Variants in ANK3 observed in about 807,000 individuals in gnomAD.
ANK3 encodes the protein ankyrin 3, also known as ankyrin-3.
A neutral mutation model predicts 370.9 loss-of-function variants in ANK3; 57 were observed. The observed-to-expected ratio is 0.15, with a 90% CI of 0.12 to 0.19. ANK3 has a LOEUF of 0.19. Among genes scored for constraint, ANK3 ranks in the 10% least tolerant of loss-of-function variants. The probability of loss-of-function intolerance (pLI) is 1.00; values close to 1 mark genes in which losing one functional copy is unlikely to be tolerated. For synonymous variants in ANK3, 1,929 were observed against 1,946.3 expected (o/e 0.99, Z 0.23); for missense variants, 4,439 against 5,302.1 (o/e 0.84, Z 5.06).
rs149428605 is a variant in ANK3 at position 60,204,777 on chromosome 10, G to A, written c.1293+1015C>T. On this transcript the variant is annotated intron_variant, in intron 11 of 43. Transcript: ENST00000280772. ...TCTTGGGGGTGCCACTGAGTCATAAGTCAGAGAGCTGGATAAGGGCTTTGA... is the reference window on the plus strand; with the variant it reads ...TCTTGGGGGTGCCACTGAGTCATAAATCAGAGAGCTGGATAAGGGCTTTGA... Among the ~76,000 whole-genome samples, 393 of 152,222 alleles carry A rather than the reference G, an allele frequency of 2.6e-3. 1 individual carries two copies. Among genetic ancestry groups the A allele is most frequent in the Non-Finnish European group, 4.9e-3 (330 of 68,012 alleles).
chr10:60,198,479 T>C lies in ANK3; in HGVS notation c.1550A>G (p.Gln517Arg). The C allele has an allele frequency of 6.2e-7, 1 of 1,614,228 alleles. No homozygotes were observed. Among genetic ancestry groups the C allele is most frequent in the Non-Finnish European group, 8.5e-7 (1 of 1,180,036 alleles). Residue 517 changes from glutamine (Q) to arginine (R), a missense_variant, in exon 14 of 44, where the codon CAG becomes CGG. Physicochemically the swap from Gln to Arg is conservative, Grantham distance 43 (BLOSUM62 1). Transcript: ENST00000280772. ...TGGAGATGCCCCTTGCTGCAACAGC[T>C]GTTGTACTATGTCTGCTTTCCCCAG... ...ARLGKADIVQQLLQQGASPNA... is the reference protein window; with the variant it reads ...ARLGKADIVQRLLQQGASPNA...
intron 2 of ANK3, among the ~76,000 whole-genome samples, chr10:60,424,367 C>A (rs539070843): frequency 6.6e-6 from 1 of 151,932 alleles, no homozygotes; most frequent in East Asian, 1.9e-4. Flanking sequence ...AAATACCAAT[C>A]AAGTCTTTCA....
At chr10:60,504,252 T>C (rs1482087592) in intron 2 of ANK3, among the ~76,000 whole-genome samples, 1 of 152,184 alleles carries the variant, frequency 6.6e-6, no homozygotes, top group Non-Finnish European at 1.5e-5. Flanking sequence ...CACTAGAGCA[T>C]GGAGATACTT....
At chr10:60,196,813 A>G (rs1335816728) in intron 14 of ANK3, among the ~76,000 whole-genome samples, 188 bp from the exon 15 acceptor site, 1 of 152,190 alleles carries the variant, frequency 6.6e-6, no homozygotes, top group East Asian at 1.9e-4. Flanking sequence ...CTCACAGATA[A>G]GAGTTCAAGA....
intron 1 of ANK3, among the ~76,000 whole-genome samples, chr10:60,694,380 G>T (rs1028334639): frequency 7.9e-5 from 12 of 152,132 alleles, no homozygotes; most frequent in Non-Finnish European, 1.5e-4. Context: ...ACATTCAGAT[G>T]CAGGAAATAC....
intron 18 of ANK3, among the ~76,000 whole-genome samples, chr10:60,179,953 A>G (rs1348828395): frequency 6.6e-6 from 1 of 152,154 alleles, no homozygotes; most frequent in African/African-American, 2.4e-5. Context: ...CTAGAGTTTT[A>G]TATCTATAAA....
At chr10:60,435,182 G>T (rs1023457965) in intron 2 of ANK3, among the ~76,000 whole-genome samples, 1 of 152,074 alleles carries the variant, frequency 6.6e-6, no homozygotes, top group African/African-American at 2.4e-5. Flanking sequence ...AACAGTATAG[G>T]ATTACGGGTT....
chr10:60,733,274 C>A, exon 1 of ANK3: 1 of 1,238,486 alleles, frequency 8.1e-7, no homozygotes, highest in Non-Finnish European at 1.0e-6. Flanking sequence ...TGGGCAGGAG[C>A]GGAGTCCTCG....
chr10:60,733,216 C>A (rs2080051647), intron 1 of ANK3: 5 of 1,236,404 alleles, frequency 4.0e-6, no homozygotes, highest in Non-Finnish European at 5.0e-6. Flanking sequence ...TCCCCGCATG[C>A]CCCTGGGTGA....
At chr10:60,722,885 A>C (rs1834029691) in intron 1 of ANK3, among the ~76,000 whole-genome samples, 1 of 152,214 alleles carries the variant, frequency 6.6e-6, no homozygotes, top group African/African-American at 2.4e-5. Context: ...CTGATGCCTT[A>C]GCAGGAGCAG....
chr10:60,422,501 C>A (rs1296913893), intron 2 of ANK3, among the ~76,000 whole-genome samples: 2 of 152,130 alleles, frequency 1.3e-5, no homozygotes, highest in East Asian at 1.9e-4. Flanking sequence ...TCTAGGGACA[C>A]GGGGTGACAC....
rs762868986 is a variant in ANK3 at position 60,134,369 on chromosome 10, G to A, written c.2743C>T (p.Arg915Cys). ...TAAGACCTATCCGAACTGAAGGAGCGGAGGCTGTTGTATTTACAGTTAACC... is the reference window on the plus strand; with the variant it reads ...TAAGACCTATCCGAACTGAAGGAGCAGAGGCTGTTGTATTTACAGTTAACC... ...FSLGARSASL[R>C]SFSSDRSYTL... is the part of the protein sequence containing the mutation. Residue 915 changes from arginine to cysteine, a missense_variant, in exon 25 of 44, where the codon CGC becomes TGC. Physicochemically the swap from Arg to Cys is radical, Grantham distance 180. Transcript: ENST00000280772. 1.4e-5 allele frequency: 23 copies of A among 1,612,284 alleles called. No individual in the cohort carries two copies. The highest frequency in any genetic ancestry group is 4.5e-5 in the East Asian group (2 of 44,786).
intron 2 of ANK3, among the ~76,000 whole-genome samples, chr10:60,582,775 T>A (rs1475377956): frequency 3.9e-5 from 6 of 152,100 alleles, no homozygotes; most frequent in African/African-American, 1.4e-4. Context: ...TGTCTTTTTG[T>A]CTGTTGACTG....
rs2096547487 is a variant in ANK3, at chr10:60,194,323, A to T, written c.1887+1822T>A. Among the ~76,000 whole-genome samples, 4 of 152,330 alleles carry T rather than the reference A, an allele frequency of 2.6e-5. 1 individual carries two copies. The South Asian group carries it at 8.3e-4, about 32-fold the overall frequency. The stretch of plus-strand genomic sequence containing the variant: ...GTAGTATTAACTACTGTGTATTCAC[A>T]TTGTTCTCCAACCATCACTATTATC... On this transcript the variant is annotated intron_variant, in intron 16 of 43. Coordinates refer to ENST00000280772, the MANE Select transcript of ANK3 (RefSeq NM_020987.5).
chr10:60,164,506 A>T (rs1055105717), intron 23 of ANK3, among the ~76,000 whole-genome samples: 2 of 151,040 alleles, frequency 1.3e-5, no homozygotes, highest in African/African-American at 4.9e-5. Flanking sequence ...AAAAAAAAAA[A>T]CTAAAAAGAA....
chr10:60,063,852 A>G (rs1351138111), intron 39 of ANK3, among the ~76,000 whole-genome samples: 1 of 152,220 alleles, frequency 6.6e-6, no homozygotes, highest in Non-Finnish European at 1.5e-5. Context: ...ACTGTGTCCC[A>G]TGATTTAACA....
intron 11 of ANK3, 45 bp downstream of exon 11, chr10:60,205,747 T>C (rs768707316): frequency 1.4e-6 from 2 of 1,410,038 alleles, no homozygotes; most frequent in East Asian, 2.3e-5. Context: ...GCTAAGGCTA[T>C]ACTCTCAGTA....
At chr10:60,397,396 A>T (rs965253844) in intron 2 of ANK3, among the ~76,000 whole-genome samples, 1 of 152,188 alleles carries the variant, frequency 6.6e-6, no homozygotes, top group South Asian at 2.1e-4. Flanking sequence ...AAAGGGCTAC[A>T]TGTAGAGTTT....
intron 2 of ANK3, among the ~76,000 whole-genome samples, chr10:60,461,541 T>C (rs967849666): frequency 1.3e-5 from 2 of 152,100 alleles, no homozygotes; most frequent in Admixed American, 6.6e-5. Context: ...TTTGTTTAAA[T>C]TGAATCTGTA....
Sources: gnomAD v4.1 joint callset for allele counts (sites outside exome capture counted in the v4.1 genomes callset) on GRCh38, gnomAD v4.1.1 for gene constraint, MANE v1.5 for transcripts, NCBI Gene and HGNC (gene_info 2026-07-23, HGNC 2026-07-21) for gene names.